Variants in COL25A1 observed in about 807,000 individuals in gnomAD.
COL25A1 encodes collagen type XXV alpha 1 chain.
Under a neutral mutation model 128.4 loss-of-function variants are expected in COL25A1, and 103 were observed. That is an observed-to-expected ratio of 0.80 (90% CI 0.68 to 0.94). The LOEUF is 0.94. Among genes scored for constraint, COL25A1 ranks in the 40% least tolerant of loss-of-function variants. The pLI is 0.00. For synonymous variants in COL25A1, 279 were observed against 277.2 expected, an observed-to-expected ratio of 1.01 and a Z score of -0.06; for missense variants, 745 against 840.0, an observed-to-expected ratio of 0.89 and a Z score of 1.40.
At chr4:108,962,352 T>C (rs1750822348) in intron 8 of COL25A1, among the ~76,000 whole-genome samples, 1 of 152,116 alleles carries the variant, frequency 6.6e-6, no homozygotes, top group African/African-American at 2.4e-5. Context: ...AGCCAGTTTT[T>C]GTATTTTCAG....
intron 5 of COL25A1, among the ~76,000 whole-genome samples, chr4:109,038,767 G>A (rs889464099): frequency 6.6e-6 from 1 of 152,130 alleles, no homozygotes; most frequent in Admixed American, 6.6e-5. Flanking sequence ...CTTCCCATAA[G>A]AGGCTTCTTT....
chr4:109,198,446 T>C (rs1203704117), intron 3 of COL25A1, among the ~76,000 whole-genome samples: 1 of 152,182 alleles, frequency 6.6e-6, no homozygotes, highest in East Asian at 1.9e-4. Context: ...TTTTAAGTGT[T>C]CCAAAGGAAC....
chr4:108,864,284 G>T (rs1429872161), intron 20 of COL25A1, among the ~76,000 whole-genome samples: 2 of 152,118 alleles, frequency 1.3e-5, no homozygotes, highest in Non-Finnish European at 2.9e-5. Flanking sequence ...TTTTCATTCT[G>T]CAGTCACTTT....
At chr4:109,106,924 C>T (rs1766490391) in intron 3 of COL25A1, among the ~76,000 whole-genome samples, 1 of 152,042 alleles carries the variant, frequency 6.6e-6, no homozygotes, top group Non-Finnish European at 1.5e-5. Context: ...CAGGCTACCT[C>T]GCTCTGCTAA....
intron 8 of COL25A1, among the ~76,000 whole-genome samples, chr4:108,966,384 C>G (rs1392628036): frequency 6.6e-6 from 1 of 152,074 alleles, no homozygotes; most frequent in Non-Finnish European, 1.5e-5. Context: ...TCACAGAGGC[C>G]TGGGATTTTC....
chr4:108,878,701 G>A (rs1271204084), intron 19 of COL25A1, among the ~76,000 whole-genome samples: 1 of 151,922 alleles, frequency 6.6e-6, no homozygotes, highest in African/African-American at 2.4e-5. Context: ...ATAATAGCAG[G>A]TTTATTTAAA....
chr4:108,863,224 G>T, intron 21 of COL25A1, 95 bp downstream of exon 21: 1 of 1,199,840 alleles, frequency 8.3e-7, no homozygotes, highest in Non-Finnish European at 1.2e-6. Context: ...GATTTGGGCT[G>T]TTTTAATACC....
At chr4:109,272,540 T>C (rs965198027) in intron 3 of COL25A1, among the ~76,000 whole-genome samples, 3 of 152,172 alleles carry the variant, frequency 2.0e-5, no homozygotes, top group African/African-American at 7.2e-5. Context: ...TGTTCACTGG[T>C]GTTTGTATTC....
chr4:109,107,469 TCATC>T (rs1391184764), intron 3 of COL25A1, among the ~76,000 whole-genome samples: 1 of 152,182 alleles, frequency 6.6e-6, no homozygotes, highest in African/African-American at 2.4e-5. Context: ...ATAACATTTT[TCATC>T]TATTTTTACT....
intron 3 of COL25A1, among the ~76,000 whole-genome samples, chr4:109,213,630 T>C (rs1175070690): frequency 6.6e-6 from 1 of 152,156 alleles, no homozygotes; most frequent in Non-Finnish European, 1.5e-5. Context: ...TAGAAATGGA[T>C]CCTGCAGCCC....
chr4:109,161,109 A>G (rs1292676121), intron 3 of COL25A1, among the ~76,000 whole-genome samples: 2 of 152,098 alleles, frequency 1.3e-5, no homozygotes, highest in Non-Finnish European at 2.9e-5. Flanking sequence ...AAATGCTGGG[A>G]TTACACACAT....
chr4:108,970,395 G>T (rs1376877841), intron 8 of COL25A1, among the ~76,000 whole-genome samples: 1 of 151,892 alleles, frequency 6.6e-6, no homozygotes, highest in Non-Finnish European at 1.5e-5. Context: ...CTACTTATTG[G>T]CAAATGGAAT....
chr4:108,981,474 T>C (rs1005720684), intron 6 of COL25A1, among the ~76,000 whole-genome samples: 7 of 152,238 alleles, frequency 4.6e-5, no homozygotes, highest in Non-Finnish European at 7.3e-5. Flanking sequence ...AGTTCCCGTA[T>C]GTAAGTATAG....
chr4:109,186,856 TCA>T (rs1315659983), intron 3 of COL25A1, among the ~76,000 whole-genome samples: 2 of 152,342 alleles, frequency 1.3e-5, no homozygotes, highest in East Asian at 3.9e-4. Flanking sequence ...GCATTCGACA[TCA>T]GCAAATGCTT....
At chr4:108,967,293 C>G (rs1306960497) in intron 8 of COL25A1, among the ~76,000 whole-genome samples, 2 of 152,094 alleles carry the variant, frequency 1.3e-5, no homozygotes, top group Non-Finnish European at 2.9e-5. Context: ...TTCTGTAACC[C>G]CTATCATTTC....
At chr4:109,077,414 A>G (rs1193372250) in intron 3 of COL25A1, among the ~76,000 whole-genome samples, 1 of 151,952 alleles carries the variant, frequency 6.6e-6, no homozygotes, top group East Asian at 1.9e-4. Context: ...CCTTCCATCT[A>G]TTGCCTCTTC....
At chr4:109,077,122 A>C (rs142412733) in intron 3 of COL25A1, among the ~76,000 whole-genome samples, 4 of 152,338 alleles carry the variant, frequency 2.6e-5, no homozygotes, top group Non-Finnish European at 5.9e-5. Flanking sequence ...AATTGGCACA[A>C]CACCAAACAA....
intron 3 of COL25A1, among the ~76,000 whole-genome samples, chr4:109,155,662 T>C (rs1202847879): frequency 6.6e-6 from 1 of 152,254 alleles, no homozygotes; most frequent in Non-Finnish European, 1.5e-5. Context: ...TTTATTGCTA[T>C]GATGTTCAAA....
At chr4:109,209,298 T>C (rs1216259610) in intron 3 of COL25A1, among the ~76,000 whole-genome samples, 1 of 148,450 alleles carries the variant, frequency 6.7e-6, no homozygotes, top group African/African-American at 2.5e-5. Context: ...AAAGATTTCA[T>C]TTTTATTCCA....
Sources: gnomAD v4.1 joint callset for allele counts (sites outside exome capture counted in the v4.1 genomes callset) on GRCh38, gnomAD v4.1.1 for gene constraint, MANE v1.5 for transcripts, NCBI Gene and HGNC (gene_info 2026-07-23, HGNC 2026-07-21) for gene names.